The following CD247 variants were observed in gnomAD, a reference collection of about 807,000 sequenced individuals.
CD247 encodes the protein CD247 molecule, also known as T-cell surface glycoprotein CD3 zeta chain.
In CD247, 13 loss-of-function variants were observed where a neutral mutation model predicts 30.0. The ratio of observed to expected loss-of-function variants is 0.43; its 90% confidence interval spans 0.28 to 0.69. The LOEUF (loss-of-function observed/expected upper bound fraction) is 0.69, where lower values mean the gene tolerates loss of function less well. Among genes scored for constraint, CD247 ranks in the 30% least tolerant of loss-of-function variants. The pLI, the probability that CD247 is intolerant of heterozygous loss-of-function variation, is 0.16. For synonymous variants in CD247, 72 were observed against 80.0 expected (o/e 0.90, Z 0.53); for missense variants, 193 against 212.6 (o/e 0.91, Z 0.57).
At chr1:167,498,840 G>C (rs144824225) in intron 1 of CD247, among the ~76,000 whole-genome samples, 2 of 152,112 alleles carry the variant, frequency 1.3e-5, no homozygotes, top group African/African-American at 4.8e-5. Context: ...TGCAGATGGC[G>C]GACACAAGAG....
intron 1 of CD247, among the ~76,000 whole-genome samples, chr1:167,512,117 G>A (rs34846447): frequency 0.022 from 3,348 of 152,164 alleles, 55 homozygotes; most frequent in Non-Finnish European, 0.036. Context: ...CAGTGCAAAC[G>A]CCTAACATTT....
chr1:167,497,791 C>G (rs1654751431), intron 1 of CD247, among the ~76,000 whole-genome samples: 2 of 152,178 alleles, frequency 1.3e-5, no homozygotes. Context: ...CCTACAATAT[C>G]TTTCTGGCTC....
intron 1 of CD247, among the ~76,000 whole-genome samples, chr1:167,477,579 G>A (rs961587829): frequency 1.3e-5 from 2 of 152,110 alleles, no homozygotes; most frequent in Non-Finnish European, 2.9e-5. Context: ...GTGCAGTGGC[G>A]CTCCAGCACA....
At chr1:167,457,813 C>G (rs1030802127) in intron 1 of CD247, 1 of 152,152 alleles carries the variant, frequency 6.6e-6, no homozygotes, top group East Asian at 1.9e-4. Context: ...GTAGGTTGCT[C>G]CAAGGTAAAC....
At chr1:167,440,384 C>T in intron 2 of CD247, 1 of 496,710 alleles carries the variant, frequency 2.0e-6, no homozygotes, top group Non-Finnish European at 3.7e-6. Flanking sequence ...TCACCAGTAG[C>T]ATCGCCTTCC....
At chr1:167,506,013 G>T (rs1007850631) in intron 1 of CD247, among the ~76,000 whole-genome samples, 3 of 152,162 alleles carry the variant, frequency 2.0e-5, no homozygotes. Context: ...GGGTTTAAGG[G>T]CTGAATTTGC....
chr1:167,508,872 C>T (rs1477477804), intron 1 of CD247, among the ~76,000 whole-genome samples: 6 of 152,084 alleles, frequency 3.9e-5, no homozygotes, highest in South Asian at 2.1e-4. Context: ...ACATGGTTTC[C>T]GGGACCAGGG....
chr1:167,441,030 C>T (rs1436169186), intron 1 of CD247, among the ~76,000 whole-genome samples: 1 of 152,172 alleles, frequency 6.6e-6, no homozygotes, highest in Non-Finnish European at 1.5e-5. Flanking sequence ...GGAAACAAGG[C>T]GAGCAGATGA....
chr1:167,467,937 A>G (rs1653333223), intron 1 of CD247, among the ~76,000 whole-genome samples: 1 of 152,218 alleles, frequency 6.6e-6, no homozygotes, highest in South Asian at 2.1e-4. Context: ...CCAATTCATA[A>G]TTGACTTTTA....
At chr1:167,436,827 C>T (rs1386458207) in intron 4 of CD247, among the ~76,000 whole-genome samples, 1 of 151,988 alleles carries the variant, frequency 6.6e-6, no homozygotes, top group East Asian at 1.9e-4. Context: ...CAAAAGACAA[C>T]AATAGTTGGC....
At chr1:167,486,548 G>T (rs192086362) in intron 1 of CD247, among the ~76,000 whole-genome samples, 2 of 152,370 alleles carry the variant, frequency 1.3e-5, no homozygotes, top group Admixed American at 1.3e-4. Context: ...TCCAGGGCCC[G>T]CCTCGAGTTT....
intron 4 of CD247, among the ~76,000 whole-genome samples, chr1:167,436,848 A>G (rs1651564796): frequency 1.3e-5 from 2 of 152,240 alleles, no homozygotes; most frequent in South Asian, 4.1e-4. Flanking sequence ...AAGGATGGAG[A>G]GAAAAGGAAA....
chr1:167,444,685 T>C (rs187038756), intron 1 of CD247, among the ~76,000 whole-genome samples: 2 of 152,280 alleles, frequency 1.3e-5, no homozygotes, highest in South Asian at 2.1e-4. Context: ...CAGACCTGCA[T>C]CATTACAGGG....
At chr1:167,510,803 TG>T (rs1390191474) in intron 1 of CD247, among the ~76,000 whole-genome samples, 1 of 152,344 alleles carries the variant, frequency 6.6e-6, no homozygotes, top group East Asian at 1.9e-4. Flanking sequence ...GTTTCCATTC[TG>T]AGCCCTCCTC....
chr1:167,440,382 A>G, intron 2 of CD247: 1 of 490,614 alleles, frequency 2.0e-6, no homozygotes, highest in Non-Finnish European at 3.7e-6. Flanking sequence ...TGTCACCAGT[A>G]GCATCGCCTT....
intron 1 of CD247, among the ~76,000 whole-genome samples, chr1:167,496,049 G>A (rs1654677297): frequency 2.0e-5 from 3 of 152,220 alleles, no homozygotes. Context: ...TGTTGCTGCT[G>A]TGGTTCAGTT....
chr1:167,513,490 G>A (rs145848726), intron 1 of CD247, among the ~76,000 whole-genome samples: 21 of 152,256 alleles, frequency 1.4e-4, no homozygotes, highest in Non-Finnish European at 2.5e-4. Flanking sequence ...ACAGAAAAAT[G>A]TTGGCTACCT....
chr1:167,453,520 G>T (rs1196373761), intron 1 of CD247, among the ~76,000 whole-genome samples: 1 of 152,100 alleles, frequency 6.6e-6, no homozygotes. Context: ...AATTTTTTCT[G>T]AGGATAAACT....
At chr1:167,470,192 G>T (rs1653446346) in intron 1 of CD247, among the ~76,000 whole-genome samples, 1 of 152,136 alleles carries the variant, frequency 6.6e-6, no homozygotes, top group African/African-American at 2.4e-5. Context: ...GGGATTACAG[G>T]CATGAGCCAC....
Sources: gnomAD v4.1 joint callset for allele counts (sites outside exome capture counted in the v4.1 genomes callset) on GRCh38, gnomAD v4.1.1 for gene constraint, MANE v1.5 for transcripts, NCBI Gene and HGNC (gene_info 2026-07-23, HGNC 2026-07-21) for gene names.